ARHGAP18: variants seen among roughly 807,000 people sequenced by gnomAD.
ARHGAP18 encodes the protein rho GTPase-activating protein 18.
In ARHGAP18, 67 loss-of-function variants were observed where a neutral mutation model predicts 86.2. That is an observed-to-expected ratio of 0.78 (90% confidence interval 0.64 to 0.95). The LOEUF (loss-of-function observed/expected upper bound fraction) is 0.95, where lower values mean the gene tolerates loss of function less well. Among genes scored for constraint, ARHGAP18 ranks in the 40% least tolerant of loss-of-function variants. The pLI, the probability that ARHGAP18 is intolerant of heterozygous loss-of-function variation, is 0.00. For synonymous variants in ARHGAP18, 283 were observed against 280.4 expected (o/e 1.01, Z -0.09); for missense variants, 691 against 780.4 (o/e 0.89, Z 1.37).
chr6:129,657,334 C>T (rs1441246268), intron 1 of ARHGAP18, among the ~76,000 whole-genome samples: 1 of 151,100 alleles, frequency 6.6e-6, no homozygotes, highest in Non-Finnish European at 1.5e-5. Flanking sequence ...TTAGTCTCTT[C>T]AGTAGTAACT....
At chr6:129,692,780 C>G (rs2114548259) in intron 1 of ARHGAP18, among the ~76,000 whole-genome samples, 1 of 152,310 alleles carries the variant, frequency 6.6e-6, no homozygotes, top group South Asian at 2.1e-4. Flanking sequence ...TTCCTGAGAA[C>G]TTTCAAATTA....
intron 1 of ARHGAP18, among the ~76,000 whole-genome samples, chr6:129,655,991 G>A (rs1274513029): frequency 6.6e-6 from 1 of 152,192 alleles, no homozygotes; most frequent in Admixed American, 6.5e-5. Context: ...CAGTGAAACT[G>A]GAATGAAGTC....
At chr6:129,652,143 C>A (rs1413020497) in intron 1 of ARHGAP18, among the ~76,000 whole-genome samples, 1 of 152,236 alleles carries the variant, frequency 6.6e-6, no homozygotes, top group East Asian at 1.9e-4. Context: ...CTGAGACACC[C>A]TTCCTGGCAT....
rs35265089 is a variant in ARHGAP18, at chr6:129,629,247, C to CTA, written c.786+104_786+105dup. 2.0e-3 allele frequency: 1,335 copies of CTA among 652,012 alleles called. 3 individuals are homozygous for CTA. The highest frequency in any genetic ancestry group is 0.016 in the African/African-American group (853 of 51,912). 40.4% of individuals were successfully genotyped at this position (652,012 alleles called of 1,614,324 possible). A position where few individuals can be genotyped will look rare whatever the true frequency, so the allele number is the denominator to read the frequency against. ...TCTGTCTGTCTGTCTCTCTCTCTCT[C>CTA]TATATATATATATATGTGTGTGTGC... On this transcript the variant is annotated intron_variant, in intron 5 of 14. Coordinates refer to ENST00000368149, the MANE Select transcript of ARHGAP18 (RefSeq NM_033515.3).
At chr6:129,671,621 T>G (rs1375793314) in intron 1 of ARHGAP18, among the ~76,000 whole-genome samples, 1 of 152,128 alleles carries the variant, frequency 6.6e-6, no homozygotes, top group Non-Finnish European at 1.5e-5. Context: ...GTGGGAGGAT[T>G]GCTTGAGCCC....
In ARHGAP18 at chr6:129,654,674, C is replaced by G. The variant is rs535431257; in HGVS notation, c.114-12656G>C. 3.3e-5 allele frequency among the ~76,000 whole-genome samples: 5 copies of G among 152,338 alleles called. No homozygotes were observed. The South Asian group carries it at 1.0e-3, about 32-fold the overall frequency. ...CTTGGCACTCTATAGAAAGCTGATT[C>G]TGTATCAGTGTCCCATTCAAGGACT... On this transcript the variant is annotated intron_variant, in intron 1 of 14. Transcript: ENST00000368149.
chr6:129,601,231 T>A (rs1247782914), intron 10 of ARHGAP18, among the ~76,000 whole-genome samples: 1 of 152,218 alleles, frequency 6.6e-6, no homozygotes, highest in South Asian at 2.1e-4. Context: ...TAGAGATTTT[T>A]AAAAATTCCC....
rs536468514 is a variant in ARHGAP18 at position 129,709,354 on chromosome 6, C to T, written c.113+670G>A. On this transcript the variant is annotated intron_variant, in intron 1 of 14. Coordinates refer to ENST00000368149, the MANE Select transcript of ARHGAP18 (RefSeq NM_033515.3). Reference sequence around the variant, plus strand: ...AGGGAGAAAGGTACCCTTTGCGCCTCAGTGGTCTATAGAACATTTGCCCTC... The same window carrying T: ...AGGGAGAAAGGTACCCTTTGCGCCTTAGTGGTCTATAGAACATTTGCCCTC... Among the ~76,000 whole-genome samples the T allele has an allele frequency of 3.9e-5, 6 of 152,254 alleles. No homozygotes were observed. The South Asian group carries it at 1.2e-3, about 32-fold the overall frequency.
intron 1 of ARHGAP18, among the ~76,000 whole-genome samples, chr6:129,701,744 T>C (rs1485752502): frequency 6.6e-6 from 1 of 152,040 alleles, no homozygotes; most frequent in Non-Finnish European, 1.5e-5. Context: ...CACTCCAGCC[T>C]GGGTGACAGA....
chr6:129,590,780 A>G (rs561688795), intron 12 of ARHGAP18, among the ~76,000 whole-genome samples: 1 of 152,314 alleles, frequency 6.6e-6, no homozygotes, highest in Non-Finnish European at 1.5e-5. Context: ...GAGAACCTGT[A>G]TTCTACGGCA....
chr6:129,586,715 A>C (rs1788401326), intron 12 of ARHGAP18, among the ~76,000 whole-genome samples: 1 of 152,306 alleles, frequency 6.6e-6, no homozygotes, highest in East Asian at 1.9e-4. Flanking sequence ...AGAAAATAAT[A>C]TATTACCATA....
chr6:129,584,274 C>T (rs1270558473), intron 12 of ARHGAP18, among the ~76,000 whole-genome samples, 162 bp from the exon 13 acceptor site: 1 of 152,208 alleles, frequency 6.6e-6, no homozygotes, highest in Non-Finnish European at 1.5e-5. Flanking sequence ...CATCAAACCT[C>T]AAATATCCTC....
intron 8 of ARHGAP18, among the ~76,000 whole-genome samples, chr6:129,609,496 G>T (rs1351679547): frequency 6.6e-6 from 1 of 152,184 alleles, no homozygotes; most frequent in Non-Finnish European, 1.5e-5. Flanking sequence ...ATTGCAGTCT[G>T]CTAGTGAGGG....
Position 129,676,915 on chromosome 6 carries a change from CTTTTTTTTTTTTTTT to C in ARHGAP18, c.113+33094_113+33108del, listed in dbSNP as rs10688716. Among the ~76,000 whole-genome samples, 43 of 38,000 alleles carry C rather than the reference CTTTTTTTTTTTTTTT, an allele frequency of 1.1e-3. 1 individual carries two copies. Among genetic ancestry groups the C allele is most frequent in the Admixed American group, 3.7e-3 (9 of 2,450 alleles). The allele number at this position is 38,000 out of a possible 152,430, so 24.9% of individuals were successfully genotyped here. A position where few individuals can be genotyped will look rare whatever the true frequency, so the allele number is the denominator to read the frequency against. ...AAACAGATGAAAAATTTTTTGTCCTCTTTTTTTTTTTTTTTTTTTTTTTTTTTTTTTTTAAGGAAG... is the reference window on the plus strand; with the variant it reads ...AAACAGATGAAAAATTTTTTGTCCTCTTTTTTTTTTTTTTTTTTAAGGAAG... On this transcript the variant is annotated intron_variant, in intron 1 of 14. Transcript: ENST00000368149.
intron 1 of ARHGAP18, among the ~76,000 whole-genome samples, chr6:129,699,991 T>A (rs1774685173): frequency 6.6e-6 from 1 of 152,142 alleles, no homozygotes; most frequent in Non-Finnish European, 1.5e-5. Context: ...CAAATTTTTG[T>A]ACTAAATGGG....
chr6:129,618,787 C>A lies in ARHGAP18; in HGVS notation c.852G>T (p.Met284Ile). 6.2e-7 allele frequency: 1 copy of A among 1,613,702 alleles called. No individual in the cohort carries two copies. Among genetic ancestry groups the A allele is most frequent in the Non-Finnish European group, 8.5e-7 (1 of 1,179,928 alleles). The change falls in exon 6 of 15, where the codon ATG becomes ATT. Residue 284 changes from methionine (M) to isoleucine (I), a missense_variant. Met to Ile is a conservative substitution (Grantham distance 10). Transcript: ENST00000368149. ...TRIGDLAPQD[M>I]KKVCHLALIE... Reference sequence around the variant, plus strand: ...TTAGGGCTAAATGGCAAACTTTCTTCATGTCCTGGGGTGCGAGGTCACCAA... The same window carrying A: ...TTAGGGCTAAATGGCAAACTTTCTTAATGTCCTGGGGTGCGAGGTCACCAA...
rs370351060 is a variant in ARHGAP18 at position 129,703,926 on chromosome 6, A to C, written c.113+6098T>G. On this transcript the variant is annotated intron_variant, in intron 1 of 14. Coordinates refer to ENST00000368149, the MANE Select transcript of ARHGAP18 (RefSeq NM_033515.3). ...AGAAAAAATAAAATTTAAATATTAC[A>C]CAATTGCATTATAAAAACTCATTAC... Among the ~76,000 whole-genome samples, 12 of 152,238 alleles carry C rather than the reference A, an allele frequency of 7.9e-5. No homozygotes were observed. The South Asian group carries it at 1.5e-3, about 18-fold the overall frequency.
intron 12 of ARHGAP18, among the ~76,000 whole-genome samples, chr6:129,592,345 C>G (rs1788534061): frequency 6.6e-6 from 1 of 151,918 alleles, no homozygotes; most frequent in South Asian, 2.1e-4. Flanking sequence ...GGCACGCAAC[C>G]CTGGCCACAA....
chr6:129,615,154 T>C (rs1789068516), intron 7 of ARHGAP18, among the ~76,000 whole-genome samples: 1 of 152,228 alleles, frequency 6.6e-6, no homozygotes, highest in South Asian at 2.1e-4. Flanking sequence ...CTGCTTTGTA[T>C]AGGCTTTGGT....
Sources: gnomAD v4.1 joint callset for allele counts (sites outside exome capture counted in the v4.1 genomes callset) on GRCh38, gnomAD v4.1.1 for gene constraint, MANE v1.5 for transcripts, NCBI Gene and HGNC (gene_info 2026-07-23, HGNC 2026-07-21) for gene names.